RFTN1: variants seen among roughly 807,000 people sequenced by gnomAD.
The protein encoded by RFTN1 is raftlin.
RFTN1 carries 26 observed loss-of-function variants against 46.5 expected under a neutral mutation model. The observed-to-expected ratio is 0.56, with a 90% CI of 0.41 to 0.78. The LOEUF is 0.78. RFTN1 is among the 30% of genes least tolerant of loss of function. The pLI is 0.00. For missense variants in RFTN1, 693 were observed against 718.7 expected (o/e 0.96, Z 0.41); for synonymous variants, 261 against 284.2 (o/e 0.92, Z 0.82).
chr3:16,507,599 AACAC>A lies in RFTN1; in HGVS notation c.-9+5839_-9+5842del, dbSNP rs35848042. ...TAAAAGGCAAAGTAGGGAGTTTCAA[AACAC>A]ACACACACACACACACACATACACA... On this transcript the variant is annotated intron_variant, in intron 1 of 9. Coordinates refer to ENST00000334133, the MANE Select transcript of RFTN1 (RefSeq NM_015150.2). The surrounding 1 kb of genome is among the most constrained non-coding windows in gnomAD (Gnocchi z 7.1). 1.2e-4 allele frequency among the ~76,000 whole-genome samples: 17 copies of A among 142,704 alleles called. No individual in the cohort carries two copies. Among genetic ancestry groups the A allele is most frequent in the Non-Finnish European group, 2.2e-4 (14 of 64,408 alleles). 93.6% of individuals were successfully genotyped at this position (142,704 alleles called of 152,430 possible).
chr3:16,509,778 A>C lies in RFTN1; in HGVS notation c.-9+3664T>G, dbSNP rs2076867419. ...ATCACCCAGATGGGTATCACGAGTC[A>C]CGAAATCACTCAGCCAATGTTTACT... On this transcript the variant is annotated intron_variant, in intron 1 of 9. Coordinates refer to ENST00000334133, the MANE Select transcript of RFTN1 (RefSeq NM_015150.2). The surrounding 1 kb of genome is among the most constrained non-coding windows in gnomAD (Gnocchi z 4.9). Among the ~76,000 whole-genome samples, 1 of 152,176 alleles carries C rather than the reference A, an allele frequency of 6.6e-6. No individual in the cohort carries two copies. Among genetic ancestry groups the C allele is most frequent in the Non-Finnish European group, 1.5e-5 (1 of 68,018 alleles).
chr3:16,482,855 G>A, intron 2 of RFTN1: 1 of 1,535,232 alleles, frequency 6.5e-7, no homozygotes, highest in Non-Finnish European at 8.7e-7. Flanking sequence ...GAAGATGAAG[G>A]ACTGTACGAG....
rs184649198 is a variant in RFTN1 at position 16,425,859 on chromosome 3, C to T, written c.332+7992G>A. Among the ~76,000 whole-genome samples, 178 of 152,164 alleles carry T rather than the reference C, an allele frequency of 1.2e-3. 2 individuals carry two copies. The highest frequency in any genetic ancestry group is 0.011 in the Admixed American group (161 of 15,268). On this transcript the variant is annotated intron_variant, in intron 3 of 9. Transcript: ENST00000334133. This position sits in a 1 kb window ranked among gnomAD's most constrained non-coding sequence, Gnocchi z 4.3. ...ATGCTGGACAGCTCCTCAGGGGGTA[C>T]GGTGGCAGCCCGGAGAGCTAATCAA...
rs200513735 is a variant in RFTN1, at chr3:16,345,784, ATC to A, written c.1146+12146_1146+12147del. Among the ~76,000 whole-genome samples the A allele has an allele frequency of 3.2e-3, 341 of 107,928 alleles. 3 individuals carry two copies. The highest frequency in any genetic ancestry group is 5.6e-3 in the South Asian group (18 of 3,214). The allele number at this position is 107,928 out of a possible 152,430, so 70.8% of individuals were successfully genotyped here. A position where few individuals can be genotyped will look rare whatever the true frequency, so the allele number is the denominator to read the frequency against. On this transcript the variant is annotated intron_variant, in intron 7 of 9. Coordinates refer to ENST00000334133, the MANE Select transcript of RFTN1 (RefSeq NM_015150.2). The surrounding 1 kb of genome is among the most constrained non-coding windows in gnomAD (Gnocchi z 5.2). Reference sequence around the variant, plus strand: ...CACATGAGCCAAAACCTTATAATAAATCTCTGTGTGTGTGTGTGTGTGTGTGT... The same window carrying A: ...CACATGAGCCAAAACCTTATAATAAATCTGTGTGTGTGTGTGTGTGTGTGT...
Position 16,402,169 on chromosome 3 carries a change from C to T in RFTN1, c.441+7206G>A, listed in dbSNP as rs2074621009. ...TCCTTACAGATGACCCCATCTCACA[C>T]CTGAGTCACCCAGGTGTCATCCTTG... On this transcript the variant is annotated intron_variant, in intron 4 of 9. Transcript: ENST00000334133. The surrounding 1 kb of genome is among the most constrained non-coding windows in gnomAD (Gnocchi z 4.5). Among the ~76,000 whole-genome samples the T allele has an allele frequency of 6.6e-6, 1 of 152,240 alleles. No individual in the cohort carries two copies. The highest frequency in any genetic ancestry group is 2.4e-5 in the African/African-American group (1 of 41,462).
chr3:16,378,168 C>G (rs776036353), intron 4 of RFTN1, 66 bp from the exon 5 acceptor site: 2 of 1,396,978 alleles, frequency 1.4e-6, no homozygotes, highest in South Asian at 1.3e-5. Context: ...ACACGTGCAG[C>G]GTGCAAAGCG....
chr3:16,493,691 C>T lies in RFTN1; in HGVS notation c.145+34G>A, dbSNP rs778474090. 3.8e-6 allele frequency: 6 copies of T among 1,591,416 alleles called. No individual in the cohort carries two copies. The East Asian group carries it at 6.8e-5, about 18-fold the overall frequency. On this transcript the variant is annotated intron_variant, in intron 2 of 9. Transcript: ENST00000334133. ...CTGCAGGCCCCTGCTGGAGACCCCA[C>T]CTGCCCCCATCCATTCCCACCCCAT...
intron 2 of RFTN1, among the ~76,000 whole-genome samples, chr3:16,490,941 T>C (rs1052457876): frequency 6.6e-6 from 1 of 152,140 alleles, no homozygotes; most frequent in Non-Finnish European, 1.5e-5. Context: ...TGATTATCTA[T>C]TTAAGTGCCA....
intron 4 of RFTN1, among the ~76,000 whole-genome samples, chr3:16,403,714 TATA>T (rs2074681043): frequency 3.6e-5 from 1 of 27,706 alleles, no homozygotes; most frequent in African/African-American, 1.5e-4. Flanking sequence ...GTATATAATA[TATA>T]ATATATATAT....
At chr3:16,394,081 G>A (rs879263220) in intron 4 of RFTN1, among the ~76,000 whole-genome samples, 2 of 152,266 alleles carry the variant, frequency 1.3e-5, no homozygotes, top group South Asian at 2.1e-4. Context: ...AAAAAGCAAT[G>A]CAGGGCTGGG....
At chr3:16,339,695 C>T (rs2071180654) in intron 7 of RFTN1, 1 of 152,236 alleles carries the variant, frequency 6.6e-6, no homozygotes, top group African/African-American at 2.4e-5. Flanking sequence ...CTTCCCTGTC[C>T]TACCATTTCC....
At chr3:16,423,829 G>T (rs2075241266) in intron 3 of RFTN1, among the ~76,000 whole-genome samples, 1 of 152,186 alleles carries the variant, frequency 6.6e-6, no homozygotes, top group Admixed American at 6.5e-5. Flanking sequence ...AACAGGAATC[G>T]TGTCCATCTC....
chr3:16,409,929 C>T (rs1327293029), intron 3 of RFTN1, among the ~76,000 whole-genome samples: 1 of 151,864 alleles, frequency 6.6e-6, no homozygotes. Context: ...TCAGGTGATC[C>T]GCCCGCCTTG....
rs137862950 is a variant in RFTN1 at position 16,334,293 on chromosome 3, G to T, written c.1147-7417C>A. 6.6e-6 allele frequency among the ~76,000 whole-genome samples: 1 copy of T among 152,184 alleles called. No individual in the cohort carries two copies. On this transcript the variant is annotated intron_variant, in intron 7 of 9. Coordinates refer to ENST00000334133, the MANE Select transcript of RFTN1 (RefSeq NM_015150.2). This position sits in a 1 kb window ranked among gnomAD's most constrained non-coding sequence, Gnocchi z 4.3. ...TTGCCAAGGCCGTGGGGAAGCATGC[G>T]TTCTTGTACATTGCTAGTGGAAGGG...
rs143484982 is a variant in RFTN1 at position 16,356,001 on chromosome 3, G to A, written c.1146+1931C>T. Among the ~76,000 whole-genome samples the A allele has an allele frequency of 4.4e-4, 67 of 152,322 alleles. No individual in the cohort carries two copies. The highest frequency in any genetic ancestry group is 3.4e-3 in the Middle Eastern group (1 of 294). On this transcript the variant is annotated intron_variant, in intron 7 of 9. Coordinates refer to ENST00000334133, the MANE Select transcript of RFTN1 (RefSeq NM_015150.2). This position sits in a 1 kb window ranked among gnomAD's most constrained non-coding sequence, Gnocchi z 4.9. ...CATGTTTTGGGTGCAGCCATGCATC[G>A]CTACTGTTACAGCCAAATGTTACGG... is the stretch of plus-strand genomic sequence containing the variant.
rs1006850279 is a variant in RFTN1, at chr3:16,410,987, G to A, written c.333-1504C>T. Reference sequence around the variant, plus strand: ...TACTGCAGCTAAAGGCTGGCAGAACGTGCTGTCTCTTCTAGGTGGCTGGTG... The same window carrying A: ...TACTGCAGCTAAAGGCTGGCAGAACATGCTGTCTCTTCTAGGTGGCTGGTG... On this transcript the variant is annotated intron_variant, in intron 3 of 9. Coordinates refer to ENST00000334133, the MANE Select transcript of RFTN1 (RefSeq NM_015150.2). The surrounding 1 kb of genome is among the most constrained non-coding windows in gnomAD (Gnocchi z 4.6). 5.3e-5 allele frequency among the ~76,000 whole-genome samples: 8 copies of A among 152,210 alleles called. No individual in the cohort carries two copies. Among genetic ancestry groups the A allele is most frequent in the East Asian group, 3.8e-4 (2 of 5,200 alleles).
rs1395321771 is a variant in RFTN1, at chr3:16,460,592, G to C, written c.146-26555C>G. On this transcript the variant is annotated intron_variant, in intron 2 of 9. Coordinates refer to ENST00000334133, the MANE Select transcript of RFTN1 (RefSeq NM_015150.2). This position sits in a 1 kb window ranked among gnomAD's most constrained non-coding sequence, Gnocchi z 4.8. ...ACATTTCAAGCAGAGGCTGGGTGGGGAATATATATTTTTTTAACCTAAATC... is the reference window on the plus strand; with the variant it reads ...ACATTTCAAGCAGAGGCTGGGTGGGCAATATATATTTTTTTAACCTAAATC... 6.6e-6 allele frequency among the ~76,000 whole-genome samples: 1 copy of C among 151,520 alleles called. No homozygotes were observed. Among genetic ancestry groups the C allele is most frequent in the Non-Finnish European group, 1.5e-5 (1 of 67,558 alleles).
Position 16,327,153 on chromosome 3 carries a change from G to T in RFTN1, c.1147-277C>A, listed in dbSNP as rs933920407. On this transcript the variant is annotated intron_variant, in intron 7 of 9. Transcript: ENST00000334133. The surrounding 1 kb of genome is among the most constrained non-coding windows in gnomAD (Gnocchi z 4.2). The stretch of plus-strand genomic sequence containing the variant: ...ATTAATTTTGTTTGATTCTTGTCTG[G>T]ACAAATAGCCTCCTGTGAGTTTCAC... Among the ~76,000 whole-genome samples the T allele has an allele frequency of 6.6e-6, 1 of 152,184 alleles. No homozygotes were observed. The highest frequency in any genetic ancestry group is 1.5e-5 in the Non-Finnish European group (1 of 68,036).
rs1251049534 is a variant in RFTN1, at chr3:16,433,744, A to G, written c.332+107T>C. 8.8e-7 allele frequency: 1 copy of G among 1,142,706 alleles called. No homozygotes were observed. Among genetic ancestry groups the G allele is most frequent in the African/African-American group, 1.5e-5 (1 of 65,736 alleles). 70.8% of individuals were successfully genotyped at this position (1,142,706 alleles called of 1,614,324 possible). Reference sequence around the variant, plus strand: ...CTGTCTGAGGGCTGAGGCCCTGAGGACAGCATGCAAATTTCAACCCCCAAC... The same window carrying G: ...CTGTCTGAGGGCTGAGGCCCTGAGGGCAGCATGCAAATTTCAACCCCCAAC... On this transcript the variant is annotated intron_variant, in intron 3 of 9. Coordinates refer to ENST00000334133, the MANE Select transcript of RFTN1 (RefSeq NM_015150.2). The surrounding 1 kb of genome is among the most constrained non-coding windows in gnomAD (Gnocchi z 4.4).
Sources: gnomAD v4.1 joint callset for allele counts (sites outside exome capture counted in the v4.1 genomes callset) on GRCh38, gnomAD v4.1.1 for gene constraint, Gnocchi (gnomAD v3.1) non-coding constraint, MANE v1.5 for transcripts, NCBI Gene and HGNC (gene_info 2026-07-23, HGNC 2026-07-21) for gene names.